RASGEF1C: variants seen among roughly 807,000 people sequenced by gnomAD.
RASGEF1C encodes RasGEF domain family member 1C.
A neutral mutation model predicts 58.1 loss-of-function variants in RASGEF1C; 27 were observed. The ratio of observed to expected loss-of-function variants is 0.46; its 90% CI spans 0.34 to 0.64. The LOEUF is 0.64. Among genes scored for constraint, RASGEF1C ranks in the 30% least tolerant of loss-of-function variants. The pLI is 0.01. For missense variants in RASGEF1C, 502 were observed against 605.1 expected (o/e 0.83, Z 1.79); for synonymous variants, 243 against 246.3 (o/e 0.99, Z 0.13).
intron 12 of RASGEF1C, among the ~76,000 whole-genome samples, chr5:180,104,168 A>G (rs1026318571): frequency 6.6e-6 from 1 of 152,146 alleles, no homozygotes; most frequent in Non-Finnish European, 1.5e-5. Context: ...GTATCAGGGT[A>G]ATACTGGTGC....
intron 1 of RASGEF1C, among the ~76,000 whole-genome samples, chr5:180,153,989 C>T (rs1056599704): frequency 6.6e-6 from 1 of 152,182 alleles, no homozygotes; most frequent in African/African-American, 2.4e-5. Context: ...AGCATGTGTC[C>T]CAGAAGCCCC....
intron 1 of RASGEF1C, among the ~76,000 whole-genome samples, chr5:180,174,534 GT>G (rs1352103705): frequency 8.0e-6 from 1 of 125,624 alleles, no homozygotes; most frequent in Non-Finnish European, 1.7e-5. Flanking sequence ...GTGTGTCTCT[GT>G]GTGTGCGTGT....
rs539204415 is a variant in RASGEF1C, at chr5:180,199,373, G to A, written c.-7+9655C>T. 1.1e-3 allele frequency among the ~76,000 whole-genome samples: 164 copies of A among 152,188 alleles called. 2 individuals are homozygous for A. In the South Asian group the frequency reaches 0.03, roughly 28 times the overall value. ...AACATCCAAGCCTTCATCACTGACC[G>A]GATCCTGGATATTAAAATAAGGCCA... On this transcript the variant is annotated intron_variant, in intron 1 of 13. Coordinates refer to ENST00000361132, the MANE Select transcript of RASGEF1C (RefSeq NM_175062.4).
chr5:180,194,884 C>G (rs577810958), intron 1 of RASGEF1C, among the ~76,000 whole-genome samples: 7 of 152,196 alleles, frequency 4.6e-5, no homozygotes, highest in South Asian at 4.1e-4. Context: ...TGCTGCAGCT[C>G]AGAGCTGCGG....
At chr5:180,125,655 G>T (rs4247234) in intron 6 of RASGEF1C, among the ~76,000 whole-genome samples, 38,839 of 151,924 alleles carry the variant, frequency 0.26, 6,165 homozygotes, top group East Asian at 0.47. Flanking sequence ...GGTGGCGCAT[G>T]CCTGTAATCC....
At chr5:180,106,843 A>T (rs913477701) in intron 12 of RASGEF1C, among the ~76,000 whole-genome samples, 5 of 152,192 alleles carry the variant, frequency 3.3e-5, no homozygotes, top group Non-Finnish European at 7.3e-5. Context: ...TAGTTGTTCT[A>T]TCAATTGTTC....
chr5:180,114,541 T>TGAG lies in RASGEF1C; in HGVS notation c.1084-1_1084insCTC (p.Lys361_Ile362insLeu). The TGAG allele has an allele frequency of 6.2e-7, 1 of 1,609,482 alleles. No homozygotes were observed. Among genetic ancestry groups the TGAG allele is most frequent in the Non-Finnish European group, 8.5e-7 (1 of 1,177,094 alleles). On this transcript the variant is annotated inframe_insertion and splice_region_variant. Transcript: ENST00000361132. ...AGCAGGCTGAAGAAAGGAATGACAATCTGGAAGAAAGAGGGGGCAGGTCGG... is the reference window on the plus strand; with the variant it reads ...AGCAGGCTGAAGAAAGGAATGACAATGAGCTGGAAGAAAGAGGGGGCAGGTCGG...
chr5:180,173,875 T>C (rs577114154), intron 1 of RASGEF1C, among the ~76,000 whole-genome samples: 3 of 147,594 alleles, frequency 2.0e-5, no homozygotes, highest in Admixed American at 6.8e-5. Flanking sequence ...ATTGTGCCAC[T>C]GCACTCCAGC....
intron 1 of RASGEF1C, among the ~76,000 whole-genome samples, chr5:180,178,942 G>A (rs1561753051): frequency 6.6e-6 from 1 of 152,158 alleles, no homozygotes; most frequent in Non-Finnish European, 1.5e-5. Context: ...AGCGGAGTGG[G>A]GAGGAAGCCA....
intron 1 of RASGEF1C, among the ~76,000 whole-genome samples, chr5:180,180,042 G>A (rs569528979): frequency 6.6e-6 from 1 of 152,348 alleles, no homozygotes; most frequent in South Asian, 2.1e-4. Context: ...GCTAGGCGGG[G>A]GCAGGCCAGG....
intron 1 of RASGEF1C, among the ~76,000 whole-genome samples, chr5:180,169,855 T>C (rs1485176177): frequency 9.8e-6 from 1 of 101,686 alleles, no homozygotes; most frequent in Non-Finnish European, 1.9e-5. Context: ...GCCCTCCCCC[T>C]GTGCAGGCTG....
intron 1 of RASGEF1C, among the ~76,000 whole-genome samples, chr5:180,201,613 G>A (rs893464739): frequency 6.6e-6 from 1 of 152,170 alleles, no homozygotes. Flanking sequence ...AATTTACAAA[G>A]GGAAAAACCA....
At chr5:180,184,358 T>C (rs1755990473) in intron 1 of RASGEF1C, among the ~76,000 whole-genome samples, 1 of 151,970 alleles carries the variant, frequency 6.6e-6, no homozygotes, top group African/African-American at 2.4e-5. Flanking sequence ...GTGGATCACC[T>C]GAGGTCAGGA....
At chr5:180,132,898 G>A (rs932624526) in intron 4 of RASGEF1C, among the ~76,000 whole-genome samples, 1 of 151,736 alleles carries the variant, frequency 6.6e-6, no homozygotes, top group Non-Finnish European at 1.5e-5. Flanking sequence ...GAACCCAGGA[G>A]GTGGTGGTGG....
rs1765961245 is a variant in RASGEF1C at position 180,111,593 on chromosome 5, C to CA, written c.1180-14dup. The CA allele has an allele frequency of 6.2e-7, 1 of 1,614,000 alleles. No individual in the cohort carries two copies. Among genetic ancestry groups the CA allele is most frequent in the Admixed American group, 1.7e-5 (1 of 60,000 alleles). On this transcript the variant is annotated splice_polypyrimidine_tract_variant and intron_variant, in intron 11 of 13. Transcript: ENST00000361132. ...GCTCCAGGAATTTCTGCCAGGGTCA[C>CA]AGAGACACAGAATGGAGGCACTCCA...
At chr5:180,119,520 C>T in intron 7 of RASGEF1C, 72 bp from the exon 8 acceptor site, 1 of 1,159,816 alleles carries the variant, frequency 8.6e-7, no homozygotes, top group African/African-American at 1.5e-5. Context: ...GCTCCCCTCA[C>T]CTGGCCCGCT....
intron 5 of RASGEF1C, among the ~76,000 whole-genome samples, chr5:180,127,948 G>A (rs1396129680): frequency 1.3e-5 from 2 of 152,204 alleles, no homozygotes; most frequent in African/African-American, 4.8e-5. Context: ...CAGGCTCCAC[G>A]CTGGGTAACT....
intron 1 of RASGEF1C, among the ~76,000 whole-genome samples, chr5:180,179,798 C>T (rs767242564): frequency 8.5e-5 from 13 of 152,214 alleles, no homozygotes; most frequent in Non-Finnish European, 1.9e-4. Context: ...AAAACAAAAA[C>T]GTACATCTCC....
Position 180,156,492 on chromosome 5 carries a change from AG to A in RASGEF1C, c.-6-18435del, listed in dbSNP as rs1766853917. 6.6e-6 allele frequency among the ~76,000 whole-genome samples: 1 copy of A among 152,222 alleles called. No homozygotes were observed. Among genetic ancestry groups the A allele is most frequent in the Non-Finnish European group, 1.5e-5 (1 of 68,040 alleles). Reference sequence around the variant, plus strand: ...TGTTATCGAAAATATATAAAGGGCCAGGCATGGTGGCTCACACCTGTAATCC... The same window carrying A: ...TGTTATCGAAAATATATAAAGGGCCAGCATGGTGGCTCACACCTGTAATCC... On this transcript the variant is annotated intron_variant, in intron 1 of 13. Transcript: ENST00000361132. The surrounding 1 kb of genome is among the most constrained non-coding windows in gnomAD (Gnocchi z 4.9).
Sources: gnomAD v4.1 joint callset for allele counts (sites outside exome capture counted in the v4.1 genomes callset) on GRCh38, gnomAD v4.1.1 for gene constraint, Gnocchi (gnomAD v3.1) non-coding constraint, MANE v1.5 for transcripts, NCBI Gene and HGNC (gene_info 2026-07-23, HGNC 2026-07-21) for gene names.